FAM81A: variants seen among roughly 807,000 people sequenced by gnomAD.
FAM81A encodes family with sequence similarity 81 member A, also known as protein FAM81A.
Under a neutral mutation model 46.7 loss-of-function variants are expected in FAM81A, and 19 were observed. The ratio of observed to expected loss-of-function variants is 0.41; its 90% CI spans 0.28 to 0.60. The LOEUF is 0.60. FAM81A is among the 20% of genes least tolerant of loss of function. The pLI is 0.34. For missense variants in FAM81A, 377 were observed against 453.5 expected, an observed-to-expected ratio of 0.83 and a Z score of 1.53; for synonymous variants, 183 against 152.9, an observed-to-expected ratio of 1.20 and a Z score of -1.45.
intron 3 of FAM81A, among the ~76,000 whole-genome samples, chr15:59,464,967 G>T (rs1257314880): frequency 6.6e-6 from 1 of 152,052 alleles, no homozygotes; most frequent in Non-Finnish European, 1.5e-5. Flanking sequence ...TAGGTCTTTT[G>T]TCCATTTGGA....
chr15:59,492,824 T>C (rs774754422), intron 4 of FAM81A, among the ~76,000 whole-genome samples: 1 of 152,158 alleles, frequency 6.6e-6, no homozygotes, highest in Non-Finnish European at 1.5e-5. Context: ...GTATGAAAAG[T>C]GCTATTTTCT....
intron 3 of FAM81A, among the ~76,000 whole-genome samples, chr15:59,469,538 CT>C (rs199942364): frequency 0.2 from 28,180 of 142,376 alleles, 3,652 homozygotes; most frequent in African/African-American, 0.39. Flanking sequence ...GCAACCCCTG[CT>C]TTTTTTTTTT....
chr15:59,505,194 T>C (rs147404023), intron 4 of FAM81A, among the ~76,000 whole-genome samples: 1 of 152,304 alleles, frequency 6.6e-6, no homozygotes, highest in East Asian at 1.9e-4. Flanking sequence ...CCACTGATTC[T>C]ATCTTCAACT....
chr15:59,458,243 C>A (rs2081507554), intron 1 of FAM81A, among the ~76,000 whole-genome samples: 1 of 152,174 alleles, frequency 6.6e-6, no homozygotes, highest in South Asian at 2.1e-4. Context: ...AAAGTGGTTT[C>A]TCAAGCTTGA....
chr15:59,493,815 T>C (rs981699441), intron 4 of FAM81A, among the ~76,000 whole-genome samples: 1 of 152,190 alleles, frequency 6.6e-6, no homozygotes, highest in Non-Finnish European at 1.5e-5. Context: ...TTCTAACTCC[T>C]GACCTCAGGT....
intron 1 of FAM81A, among the ~76,000 whole-genome samples, chr15:59,398,314 G>A (rs2081055623): frequency 6.6e-6 from 1 of 152,188 alleles, no homozygotes; most frequent in Admixed American, 6.5e-5. Flanking sequence ...TAAACACATG[G>A]GAGGAACACT....
At position 59,497,982 on chromosome 15, in the gene FAM81A, G is replaced by A. The variant is rs141537072; in HGVS notation, c.413+5593G>A. 2.8e-3 allele frequency among the ~76,000 whole-genome samples: 425 copies of A among 152,274 alleles called. 4 individuals are homozygous for A. Among genetic ancestry groups the A allele is most frequent in the African/African-American group, 1.0e-2 (415 of 41,544 alleles). On this transcript the variant is annotated intron_variant, in intron 4 of 8. Coordinates refer to ENST00000288228, the MANE Select transcript of FAM81A (RefSeq NM_152450.3). ...AGCAATCCTCCCACCTCAGCTTCCT[G>A]AGTAGCTGGGACTACAGGCATGTGC...
At chr15:59,518,157 T>A (rs917069906) in intron 8 of FAM81A, among the ~76,000 whole-genome samples, 8 of 149,794 alleles carry the variant, frequency 5.3e-5, no homozygotes, top group Admixed American at 2.0e-4. Context: ...TTTTTTTTTT[T>A]AATAGAAACA....
chr15:59,449,668 G>A, intron 1 of FAM81A, among the ~76,000 whole-genome samples: 1 of 150,972 alleles, frequency 6.6e-6, no homozygotes, highest in South Asian at 2.1e-4. Flanking sequence ...TGTAGTCCCA[G>A]CTACGCGGGA....
intron 1 of FAM81A, chr15:59,401,412 A>G (rs2081069786): frequency 3.7e-6 from 3 of 800,974 alleles, no homozygotes; most frequent in South Asian, 2.7e-5. Context: ...TTTACACCAA[A>G]TATTGGTAGG....
Position 59,424,006 on chromosome 15 carries a change from A to G in FAM81A, c.-78+21648A>G, listed in dbSNP as rs557616467. Among the ~76,000 whole-genome samples, 5 of 152,232 alleles carry G rather than the reference A, an allele frequency of 3.3e-5. No homozygotes were observed. The South Asian group carries it at 6.2e-4, about 19-fold the overall frequency. ...TTTCACTGCGGAACTTCTTGAAAGC[A>G]TTGCCTGTGGTCACTACATTCTCAT... On this transcript the variant is annotated intron_variant, in intron 2 of 4. Coordinates refer to the FAM81A transcript ENST00000558348.
intron 1 of FAM81A, among the ~76,000 whole-genome samples, chr15:59,439,771 T>G (rs1361437562): frequency 6.6e-6 from 1 of 152,122 alleles, no homozygotes; most frequent in Admixed American, 6.5e-5. Context: ...TGTCCAGGAA[T>G]TCAACCATGA....
chr15:59,450,011 TC>T (rs1200813648), intron 1 of FAM81A, among the ~76,000 whole-genome samples: 4 of 150,888 alleles, frequency 2.7e-5, no homozygotes, highest in Admixed American at 6.6e-5. Context: ...AGCCTTGACC[TC>T]CCCAGGATCA....
At chr15:59,421,117 A>G (rs2081169045) in intron 2 of FAM81A, among the ~76,000 whole-genome samples, 1 of 152,210 alleles carries the variant, frequency 6.6e-6, no homozygotes, top group Non-Finnish European at 1.5e-5. Context: ...AATCAGCAGG[A>G]GGTCTTGTTA....
chr15:59,440,786 C>T (rs145150805), intron 1 of FAM81A, among the ~76,000 whole-genome samples: 267 of 152,282 alleles, frequency 1.8e-3, no homozygotes, highest in African/African-American at 6.1e-3. Flanking sequence ...CCACTTGGGG[C>T]ATGTAAGTTG....
At chr15:59,509,675 T>G (rs1300932472) in intron 6 of FAM81A, among the ~76,000 whole-genome samples, 1 of 152,014 alleles carries the variant, frequency 6.6e-6, no homozygotes, top group Admixed American at 6.5e-5. Context: ...GAGGCCTGGT[T>G]GTGGGGCCTT....
intron 1 of FAM81A, chr15:59,438,498 A>G (rs2081260980): frequency 6.6e-6 from 1 of 152,216 alleles, no homozygotes; most frequent in South Asian, 2.1e-4. Context: ...CTGGCGTTGC[A>G]TTTTCGCGGG....
rs1286168889 is a variant in FAM81A at position 59,482,970 on chromosome 15, A to G, written c.295-9301A>G. 6.6e-5 allele frequency among the ~76,000 whole-genome samples: 10 copies of G among 152,274 alleles called. No individual in the cohort carries two copies. In the East Asian group the frequency reaches 1.9e-3, roughly 29 times the overall value. On this transcript the variant is annotated intron_variant, in intron 3 of 8. Transcript: ENST00000288228. ...TAGTTTGTGTTCCTCTTCATAGAGCAGGTTCATTGAGAAAAAGCTGGAAGC... is the reference window on the plus strand; with the variant it reads ...TAGTTTGTGTTCCTCTTCATAGAGCGGGTTCATTGAGAAAAAGCTGGAAGC...
At chr15:59,479,099 C>A (rs562668772) in intron 3 of FAM81A, among the ~76,000 whole-genome samples, 2 of 152,214 alleles carry the variant, frequency 1.3e-5, no homozygotes, top group Non-Finnish European at 2.9e-5. Context: ...TGATCTTCGC[C>A]CTGCTGCACA....
Sources: gnomAD v4.1 joint callset for allele counts (sites outside exome capture counted in the v4.1 genomes callset) on GRCh38, gnomAD v4.1.1 for gene constraint, MANE v1.5 for transcripts, NCBI Gene and HGNC (gene_info 2026-07-23, HGNC 2026-07-21) for gene names.